MMP16: variants seen among roughly 807,000 people sequenced by gnomAD.
MMP16 encodes the protein matrix metalloproteinase-16.
MMP16 carries 12 observed loss-of-function variants against 67.8 expected under a neutral mutation model. The observed-to-expected ratio is 0.18, with a 90% confidence interval of 0.11 to 0.29. The LOEUF (loss-of-function observed/expected upper bound fraction) is 0.29. MMP16 is among the 10% of genes least tolerant of loss of function. The pLI is 1.00. For missense variants in MMP16, 475 were observed against 765.7 expected, an observed-to-expected ratio of 0.62 and a Z score of 4.48; for synonymous variants, 249 against 255.9, an observed-to-expected ratio of 0.97 and a Z score of 0.26.
chr8:88,282,849 T>C (rs1051666792), intron 1 of MMP16, among the ~76,000 whole-genome samples: 1 of 152,214 alleles, frequency 6.6e-6, no homozygotes, highest in Non-Finnish European at 1.5e-5. Flanking sequence ...CTAAATTTCT[T>C]ATTTTAAAAC....
At chr8:88,290,359 TGG>T (rs1332636435) in intron 1 of MMP16, among the ~76,000 whole-genome samples, 30 of 152,194 alleles carry the variant, frequency 2.0e-4, no homozygotes, top group Admixed American at 3.9e-4. Context: ...GAGGCCATCC[TGG>T]CTAACAAGGT....
At chr8:88,091,700 C>A (rs28991871) in intron 6 of MMP16, among the ~76,000 whole-genome samples, 4,053 of 151,830 alleles carry the variant, frequency 0.027, 172 homozygotes, top group African/African-American at 0.092. Context: ...TCAATTAATA[C>A]GTCCCCAAAC....
intron 1 of MMP16, among the ~76,000 whole-genome samples, chr8:88,256,282 G>A (rs1368847346): frequency 3.3e-5 from 5 of 151,900 alleles, no homozygotes; most frequent in East Asian, 1.9e-4. Context: ...ATTAATTTAC[G>A]ATTAGCATGT....
At chr8:88,320,866 T>C in intron 1 of MMP16, among the ~76,000 whole-genome samples, 1 of 152,130 alleles carries the variant, frequency 6.6e-6, no homozygotes, top group East Asian at 1.9e-4. Context: ...CATCAAGCTA[T>C]GCCACTATCC....
intron 4 of MMP16, 122 bp downstream of exon 4, chr8:88,167,547 T>C: frequency 1.1e-6 from 1 of 927,896 alleles, no homozygotes; most frequent in Non-Finnish European, 1.6e-6. Context: ...TGCTTACATA[T>C]TGCTTTGGAA....
intron 1 of MMP16, among the ~76,000 whole-genome samples, chr8:88,246,861 T>C (rs557215951): frequency 6.6e-6 from 1 of 152,318 alleles, no homozygotes; most frequent in African/African-American, 2.4e-5. Context: ...ATATGCCATA[T>C]ATTGTTTCTC....
At chr8:88,146,321 T>C (rs1808289088) in intron 4 of MMP16, among the ~76,000 whole-genome samples, 1 of 152,078 alleles carries the variant, frequency 6.6e-6, no homozygotes, top group South Asian at 2.1e-4. Context: ...AAATCTGCCA[T>C]CCCAACTTGA....
At chr8:88,157,749 G>A (rs139314284) in intron 4 of MMP16, among the ~76,000 whole-genome samples, 1 of 152,186 alleles carries the variant, frequency 6.6e-6, no homozygotes, top group Non-Finnish European at 1.5e-5. Context: ...GTATACGTGT[G>A]CCATGTTGGT....
intron 6 of MMP16, among the ~76,000 whole-genome samples, chr8:88,092,883 G>A (rs1354114446): frequency 6.6e-6 from 1 of 151,800 alleles, no homozygotes; most frequent in Non-Finnish European, 1.5e-5. Flanking sequence ...TTTAATGGAT[G>A]AGACTGACCA....
chr8:88,258,567 C>T (rs531701322), intron 1 of MMP16, among the ~76,000 whole-genome samples: 1 of 152,272 alleles, frequency 6.6e-6, no homozygotes, highest in Non-Finnish European at 1.5e-5. Flanking sequence ...AATAAAACCT[C>T]ATATGAACAA....
intron 7 of MMP16, among the ~76,000 whole-genome samples, chr8:88,072,959 G>A (rs577198902): frequency 9.9e-5 from 15 of 152,210 alleles, no homozygotes; most frequent in South Asian, 2.1e-4. Flanking sequence ...GCGGCAAAGC[G>A]AATAAAAGTG....
chr8:88,143,946 T>C (rs1365222024), intron 4 of MMP16, among the ~76,000 whole-genome samples: 1 of 151,958 alleles, frequency 6.6e-6, no homozygotes, highest in African/African-American at 2.4e-5. Context: ...AGAAATAACA[T>C]ACATAAGAGA....
At chr8:88,311,475 A>T (rs1811293607) in intron 1 of MMP16, among the ~76,000 whole-genome samples, 1 of 152,222 alleles carries the variant, frequency 6.6e-6, no homozygotes, top group Admixed American at 6.5e-5. Flanking sequence ...GATAGGAGAT[A>T]TGAGAATCTA....
At chr8:88,078,955 C>T (rs146710478) in intron 6 of MMP16, among the ~76,000 whole-genome samples, 2,997 of 152,260 alleles carry the variant, frequency 0.02, 50 homozygotes, top group South Asian at 0.063. Context: ...ACCACTGTCA[C>T]CATCCGAGTC....
intron 4 of MMP16, among the ~76,000 whole-genome samples, chr8:88,149,390 G>C (rs547503701): frequency 6.6e-6 from 1 of 152,248 alleles, no homozygotes; most frequent in African/African-American, 2.4e-5. Context: ...GCCTCTGTAG[G>C]CTCCACCTCT....
At position 88,074,687 on chromosome 8, in the gene MMP16, T is replaced by C; in HGVS notation, c.1140A>G (p.Gln380=). The change falls in exon 7 of 10, where the codon CAA becomes CAG. Residue 380 remains glutamine (Q), a synonymous_variant. Coordinates refer to ENST00000286614, the MANE Select transcript of MMP16 (RefSeq NM_005941.5). ...GCAAGCCCCGCCAGAAGTAAGTAAT[T>C]TGCATTGGGTATCCATCCATCACCC... ...NNRVMDGYPM[Q]ITYFWRGLPP... 13 of 1,613,756 alleles carry C rather than the reference T, an allele frequency of 8.1e-6. No individual in the cohort carries two copies. Among genetic ancestry groups the C allele is most frequent in the Non-Finnish European group, 1.1e-5 (13 of 1,179,778 alleles).
chr8:88,238,171 T>C (rs553562893), intron 1 of MMP16, among the ~76,000 whole-genome samples: 6 of 152,250 alleles, frequency 3.9e-5, no homozygotes, highest in African/African-American at 1.4e-4. Flanking sequence ...ATCTAGATCG[T>C]CAATGTCATG....
intron 1 of MMP16, among the ~76,000 whole-genome samples, chr8:88,229,054 A>C (rs7835443): frequency 0.044 from 6,755 of 151,958 alleles, 177 homozygotes; most frequent in Admixed American, 0.055. Context: ...CCAGCTACTC[A>C]TGAGACAGAG....
At chr8:88,179,025 A>C (rs900354718) in intron 3 of MMP16, among the ~76,000 whole-genome samples, 13 of 152,236 alleles carry the variant, frequency 8.5e-5, no homozygotes, top group African/African-American at 3.1e-4. Context: ...CTAGGAGAAG[A>C]GAGAAAGAAA....
Sources: allele counts gnomAD v4.1 joint callset (sites outside exome capture counted in the v4.1 genomes callset), GRCh38; gene constraint gnomAD v4.1.1; transcripts MANE v1.5; gene names NCBI Gene and HGNC (gene_info 2026-07-23, HGNC 2026-07-21).